The following CBX1 variants were observed in gnomAD, a reference collection of about 807,000 sequenced individuals.
The protein encoded by CBX1 is chromobox protein homolog 1.
Under a neutral mutation model 25.1 loss-of-function variants are expected in CBX1, and 10 were observed. The observed-to-expected ratio is 0.40, with a 90% CI of 0.25 to 0.68. The LOEUF (loss-of-function observed/expected upper bound fraction) is 0.68. CBX1 is among the 30% of genes least tolerant of loss of function. The pLI is 0.40. For missense variants in CBX1, 106 were observed against 218.5 expected, an observed-to-expected ratio of 0.49 and a Z score of 3.25; for synonymous variants, 63 against 79.4, an observed-to-expected ratio of 0.79 and a Z score of 1.10.
intron 1 of CBX1, among the ~76,000 whole-genome samples, chr17:48,085,940 T>C (rs1288263670): frequency 1.3e-5 from 2 of 152,094 alleles, no homozygotes; most frequent in Non-Finnish European, 2.9e-5. Context: ...CACGGTGGCA[T>C]GCACCTGTAG....
Position 48,084,930 on chromosome 17 carries a change from A to C in CBX1, c.-37-7889T>G, listed in dbSNP as rs143148431. ...GTCTCACAAAAAAAAACAAAAAAAA[A>C]CCAATACTCTCAAGAGTTACTAGTT... is the stretch of plus-strand genomic sequence containing the variant. On this transcript the variant is annotated intron_variant, in intron 1 of 4. Coordinates refer to ENST00000225603, the MANE Select transcript of CBX1 (RefSeq NM_001127228.2). Among the ~76,000 whole-genome samples, 669 of 152,120 alleles carry C rather than the reference A, an allele frequency of 4.4e-3. 7 individuals carry two copies. The highest frequency in any genetic ancestry group is 0.015 in the African/African-American group (606 of 41,510).
At chr17:48,085,020 A>C (rs1441615795) in intron 1 of CBX1, among the ~76,000 whole-genome samples, 1 of 152,110 alleles carries the variant, frequency 6.6e-6, no homozygotes, top group Non-Finnish European at 1.5e-5. Flanking sequence ...ATGTACTCAA[A>C]CCTCAGTTTG....
intron 3 of CBX1, among the ~76,000 whole-genome samples, chr17:48,075,344 G>A (rs1376885895): frequency 7.1e-6 from 1 of 140,502 alleles, no homozygotes; most frequent in African/African-American, 2.9e-5. Context: ...ACAGGCACAT[G>A]CCACCACGTC....
chr17:48,073,273 CAT>C (rs1435836758), intron 4 of CBX1, among the ~76,000 whole-genome samples: 3 of 152,084 alleles, frequency 2.0e-5, no homozygotes, highest in African/African-American at 7.2e-5. Context: ...ATCAGAGCCA[CAT>C]AGTCCCATAG....
At chr17:48,099,923 G>A (rs562166298) in intron 1 of CBX1, among the ~76,000 whole-genome samples, 4 of 152,138 alleles carry the variant, frequency 2.6e-5, no homozygotes, top group African/African-American at 4.8e-5. Context: ...GGAGGATCAC[G>A]AGGTCAGGAG....
rs1461630360 is a variant in CBX1, at chr17:48,071,312, C to T, written c.*123G>A. On this transcript the variant is annotated 3_prime_UTR_variant, in exon 5 of 5. Transcript: ENST00000225603. ...CTTGGGCTGCTGCAGGGCACAGAAA[C>T]TATACTGGCTCTTCAAAGGACATCT... 1.0e-6 allele frequency: 1 copy of T among 995,568 alleles called. No individual in the cohort carries two copies. The highest frequency in any genetic ancestry group is 1.9e-5 in the South Asian group (1 of 53,616). The allele number at this position is 995,568 out of a possible 1,614,324, so 61.7% of individuals were successfully genotyped here. A position where few individuals can be genotyped will look rare whatever the true frequency, so the allele number is the denominator to read the frequency against.
At chr17:48,095,233 A>G (rs2063367385) in intron 1 of CBX1, among the ~76,000 whole-genome samples, 1 of 152,084 alleles carries the variant, frequency 6.6e-6, no homozygotes, top group South Asian at 2.1e-4. Context: ...TTTTACTTGC[A>G]CATACAATTA....
chr17:48,077,445 G>GTTTTTTT lies in CBX1; in HGVS notation c.-37-411_-37-405dup, dbSNP rs796350669. ...GCTAATTTTTGTTGTTTTTTTTTTT[G>GTTTTTTT]TTTTTTTTGTTTTTTTTTTTTTAGT... On this transcript the variant is annotated intron_variant, in intron 1 of 4. Coordinates refer to ENST00000225603, the MANE Select transcript of CBX1 (RefSeq NM_001127228.2). Among the ~76,000 whole-genome samples, 137 of 52,378 alleles carry GTTTTTTT rather than the reference G, an allele frequency of 2.6e-3. 6 individuals are homozygous for GTTTTTTT. The highest frequency in any genetic ancestry group is 0.012 in the Middle Eastern group (1 of 86). 34.4% of individuals were successfully genotyped at this position (52,378 alleles called of 152,430 possible). A position where few individuals can be genotyped will look rare whatever the true frequency, so the allele number is the denominator to read the frequency against.
At chr17:48,077,919 C>T (rs750791228) in intron 1 of CBX1, among the ~76,000 whole-genome samples, 4 of 151,916 alleles carry the variant, frequency 2.6e-5, no homozygotes, top group Non-Finnish European at 4.4e-5. Flanking sequence ...TTTGGGAGGC[C>T]GAGGCGGGCA....
At chr17:48,089,075 C>T (rs1325212839) in intron 1 of CBX1, among the ~76,000 whole-genome samples, 1 of 150,760 alleles carries the variant, frequency 6.6e-6, no homozygotes, top group South Asian at 2.1e-4. Context: ...TAATTCATAG[C>T]TCAATTTTAA....
intron 4 of CBX1, among the ~76,000 whole-genome samples, chr17:48,072,600 C>T (rs957354196): frequency 3.3e-5 from 5 of 151,518 alleles, no homozygotes; most frequent in South Asian, 4.2e-4. Flanking sequence ...CTGGCTAACA[C>T]GGTGAAACCC....
chr17:48,079,551 T>C (rs746364166), intron 1 of CBX1, among the ~76,000 whole-genome samples: 1 of 152,154 alleles, frequency 6.6e-6, no homozygotes, highest in Non-Finnish European at 1.5e-5. Flanking sequence ...TGGAATGCAG[T>C]GAAGTAATTA....
intron 1 of CBX1, among the ~76,000 whole-genome samples, chr17:48,080,982 AT>A (rs1717416077): frequency 2.4e-5 from 2 of 83,350 alleles, no homozygotes; most frequent in African/African-American, 1.2e-4. Flanking sequence ...ATATATATAT[AT>A]ATATATATAT....
rs950848163 is a variant in CBX1 at position 48,076,966 on chromosome 17, C to A, written c.39G>T (p.Val13=). 6.2e-7 allele frequency: 1 copy of A among 1,613,712 alleles called. No individual in the cohort carries two copies. Among genetic ancestry groups the A allele is most frequent in the African/African-American group, 1.3e-5 (1 of 74,908 alleles). The change falls in exon 2 of 5, where the codon GTG becomes GTT. Residue 13 remains valine (V), a synonymous_variant. Coordinates refer to ENST00000225603, the MANE Select transcript of CBX1 (RefSeq NM_001127228.2). ...KKQNKKKVEE[V]LEEEEEEYVV... ...CATATTCCTCTTCCTCCTCTTCTAG[C>A]ACCTCCTCCACTTTCTTCTTGTTTT...
chr17:48,095,297 T>C (rs2063367818), intron 1 of CBX1, among the ~76,000 whole-genome samples: 1 of 152,106 alleles, frequency 6.6e-6, no homozygotes, highest in African/African-American at 2.4e-5. Context: ...ACAATAAAGA[T>C]GGATGTCTCA....
At chr17:48,075,719 C>T (rs2037669229) in intron 3 of CBX1, among the ~76,000 whole-genome samples, 1 of 152,198 alleles carries the variant, frequency 6.6e-6, no homozygotes, top group African/African-American at 2.4e-5. Flanking sequence ...CACCTCACAC[C>T]TTTAATGATT....
chr17:48,093,901 C>G (rs965531125), intron 1 of CBX1, among the ~76,000 whole-genome samples: 32 of 152,050 alleles, frequency 2.1e-4, no homozygotes, highest in African/African-American at 7.2e-4. Flanking sequence ...AGGCGAATTA[C>G]CTGAGGTCAG....
chr17:48,090,697 G>A (rs904379473), intron 1 of CBX1, among the ~76,000 whole-genome samples: 2 of 152,142 alleles, frequency 1.3e-5, no homozygotes, highest in South Asian at 2.1e-4. Context: ...ATTACCTTGC[G>A]CTTTGCCCAA....
At chr17:48,095,204 C>T (rs192069067) in intron 1 of CBX1, among the ~76,000 whole-genome samples, 5 of 152,248 alleles carry the variant, frequency 3.3e-5, no homozygotes. Flanking sequence ...TTGGGGTTCC[C>T]AAAGCATTCT....
Sources: allele counts gnomAD v4.1 joint callset (sites outside exome capture counted in the v4.1 genomes callset), GRCh38; gene constraint gnomAD v4.1.1; transcripts MANE v1.5; gene names NCBI Gene and HGNC (gene_info 2026-07-23, HGNC 2026-07-21).